RSU1: variants seen among roughly 807,000 people sequenced by gnomAD.
RSU1 encodes the protein rsu-1.
Under a neutral mutation model 31.1 loss-of-function variants are expected in RSU1, and 26 were observed. That is an observed-to-expected ratio of 0.84 (90% CI 0.61 to 1.16). The LOEUF (loss-of-function observed/expected upper bound fraction) is 1.16, where lower values mean the gene tolerates loss of function less well. RSU1 is among the 50% of genes most tolerant of loss of function. The pLI, the probability that RSU1 is intolerant of heterozygous loss-of-function variation, is 0.00. For missense variants in RSU1, 320 were observed against 339.1 expected, an observed-to-expected ratio of 0.94 and a Z score of 0.44; for synonymous variants, 164 against 136.3, an observed-to-expected ratio of 1.20 and a Z score of -1.41.
chr10:16,695,002 A>G, intron 8 of RSU1, 21 bp downstream of exon 8: 4 of 1,595,674 alleles, frequency 2.5e-6, no homozygotes, highest in Non-Finnish European at 3.4e-6. Flanking sequence ...CTACTATTTC[A>G]GAAAATCAGA....
At chr10:16,800,051 G>C (rs779158043) in intron 2 of RSU1, among the ~76,000 whole-genome samples, 1 of 152,110 alleles carries the variant, frequency 6.6e-6, no homozygotes. Context: ...AAATCTAAGA[G>C]AAAAGGGGAG....
At chr10:16,735,652 T>G (rs1234299522) in intron 7 of RSU1, among the ~76,000 whole-genome samples, 1 of 152,132 alleles carries the variant, frequency 6.6e-6, no homozygotes, top group Non-Finnish European at 1.5e-5. Context: ...CTCAGGAAAC[T>G]TACAATCATG....
intron 4 of RSU1, among the ~76,000 whole-genome samples, chr10:16,758,888 G>C (rs1001312477): frequency 6.6e-6 from 1 of 152,142 alleles, no homozygotes; most frequent in South Asian, 2.1e-4. Context: ...ATAAAGCTTC[G>C]CAGGGCTCAG....
rs566223487 is a variant in RSU1 at position 16,728,990 on chromosome 10, G to A, written c.598+23549C>T. Among the ~76,000 whole-genome samples the A allele has an allele frequency of 5.3e-5, 8 of 152,278 alleles. No homozygotes were observed. In the South Asian group the frequency reaches 1.7e-3, roughly 32 times the overall value. On this transcript the variant is annotated intron_variant, in intron 7 of 8. Coordinates refer to ENST00000345264, the MANE Select transcript of RSU1 (RefSeq NM_012425.4). The stretch of plus-strand genomic sequence containing the variant: ...CTCCAGAAGCATAAGAGAATAAATC[G>A]GTGCTGTTTTCAGCCACTGTTTGTG...
intron 7 of RSU1, among the ~76,000 whole-genome samples, chr10:16,719,406 C>T (rs1836209695): frequency 1.3e-5 from 2 of 152,130 alleles, no homozygotes; most frequent in South Asian, 4.1e-4. Context: ...ACAATGGTGG[C>T]TCACTTGTAT....
chr10:16,672,749 T>G (rs1459824830), intron 8 of RSU1, among the ~76,000 whole-genome samples: 1 of 152,094 alleles, frequency 6.6e-6, no homozygotes, highest in African/African-American at 2.4e-5. Flanking sequence ...AAATGAGAAA[T>G]ATGGTTTATA....
intron 8 of RSU1, among the ~76,000 whole-genome samples, chr10:16,600,174 C>A (rs1343425767): frequency 6.6e-6 from 1 of 152,218 alleles, no homozygotes; most frequent in African/African-American, 2.4e-5. Context: ...CTGCGACGCT[C>A]TCAGTGGTGG....
chr10:16,661,584 G>A (rs1834892292), intron 8 of RSU1, among the ~76,000 whole-genome samples: 1 of 152,118 alleles, frequency 6.6e-6, no homozygotes. Flanking sequence ...TGACTATGAT[G>A]ACTACTATTT....
intron 2 of RSU1, among the ~76,000 whole-genome samples, chr10:16,788,899 G>C (rs1365335067): frequency 1.3e-5 from 2 of 152,222 alleles, no homozygotes; most frequent in African/African-American, 4.8e-5. Flanking sequence ...TACCAAGAAA[G>C]ATGGGTGAGC....
At chr10:16,659,604 G>A (rs561435853) in intron 8 of RSU1, among the ~76,000 whole-genome samples, 4 of 152,206 alleles carry the variant, frequency 2.6e-5, no homozygotes, top group African/African-American at 7.2e-5. Flanking sequence ...CTCTTTGTCT[G>A]TAACTACACT....
chr10:16,706,065 C>G (rs994422757), intron 7 of RSU1, among the ~76,000 whole-genome samples: 1 of 152,206 alleles, frequency 6.6e-6, no homozygotes, highest in Non-Finnish European at 1.5e-5. Flanking sequence ...GTGCTGCATT[C>G]ACATTTTAGC....
At chr10:16,747,992 C>T (rs142329894) in intron 7 of RSU1, among the ~76,000 whole-genome samples, 1 of 152,346 alleles carries the variant, frequency 6.6e-6, no homozygotes, top group African/African-American at 2.4e-5. Context: ...TATGATTGCA[C>T]CACTGCACTC....
intron 7 of RSU1, among the ~76,000 whole-genome samples, chr10:16,733,290 A>G (rs1038491263): frequency 2.0e-5 from 3 of 150,560 alleles, no homozygotes; most frequent in African/African-American, 7.3e-5. Flanking sequence ...CAGGAGTTCA[A>G]TACCAGTCTG....
chr10:16,679,775 C>T (rs1835294521), intron 8 of RSU1, among the ~76,000 whole-genome samples: 1 of 151,938 alleles, frequency 6.6e-6, no homozygotes, highest in African/African-American at 2.4e-5. Context: ...CCATCACCAT[C>T]CTTCTGCCCT....
At chr10:16,777,793 G>C (rs182675787) in intron 3 of RSU1, among the ~76,000 whole-genome samples, 11 of 152,316 alleles carry the variant, frequency 7.2e-5, no homozygotes, top group Non-Finnish European at 1.6e-4. Flanking sequence ...GCTTGAAAGG[G>C]AGGGTAACCA....
Position 16,636,496 on chromosome 10 carries a change from T to A in RSU1, c.732-43000A>T, listed in dbSNP as rs565996421. On this transcript the variant is annotated intron_variant, in intron 8 of 8. Coordinates refer to ENST00000345264, the MANE Select transcript of RSU1 (RefSeq NM_012425.4). ...CACTCTGGGCCAAGCCACTTTCAGC[T>A]CTTGCCTGGATGATTGCAGTTGCCT... Among the ~76,000 whole-genome samples the A allele has an allele frequency of 2.6e-5, 4 of 152,360 alleles. No individual in the cohort carries two copies. In the South Asian group the frequency reaches 8.3e-4, roughly 32 times the overall value.
At chr10:16,766,786 G>C (rs1011103333) in intron 3 of RSU1, among the ~76,000 whole-genome samples, 1 of 151,922 alleles carries the variant, frequency 6.6e-6, no homozygotes, top group African/African-American at 2.4e-5. Flanking sequence ...GGCTGAGGCA[G>C]GTGAATCACC....
intron 2 of RSU1, among the ~76,000 whole-genome samples, chr10:16,791,646 A>G (rs1588538419): frequency 1.3e-5 from 2 of 152,238 alleles, no homozygotes; most frequent in African/African-American, 4.8e-5. Context: ...AAAAAAAAAA[A>G]AAAAAGAAAA....
intron 8 of RSU1, among the ~76,000 whole-genome samples, chr10:16,611,155 G>T (rs932539259): frequency 3.3e-4 from 51 of 152,260 alleles, no homozygotes; most frequent in African/African-American, 1.1e-3. Context: ...CTACAGCTTG[G>T]GTGCATTCAT....
Sources: allele counts gnomAD v4.1 joint callset (sites outside exome capture counted in the v4.1 genomes callset), GRCh38; gene constraint gnomAD v4.1.1; transcripts MANE v1.5; gene names NCBI Gene and HGNC (gene_info 2026-07-23, HGNC 2026-07-21).